SLC25A19: variants seen among roughly 807,000 people sequenced by gnomAD.
SLC25A19 encodes mitochondrial thiamine pyrophosphate carrier.
In SLC25A19, 18 loss-of-function variants were observed where a neutral mutation model predicts 27.9. That is an observed-to-expected ratio of 0.64 (90% CI 0.45 to 0.96). SLC25A19 has a LOEUF of 0.96. SLC25A19 is among the 40% of genes least tolerant of loss of function. The pLI is 0.00. For missense variants in SLC25A19, 371 were observed against 418.3 expected, an observed-to-expected ratio of 0.89 and a Z score of 0.99; for synonymous variants, 169 against 167.1, an observed-to-expected ratio of 1.01 and a Z score of -0.09.
rs1031703346 is a variant in SLC25A19, at chr17:75,283,540, G to A, written c.342C>T (p.Asp114=). The A allele has an allele frequency of 6.8e-6, 11 of 1,613,564 alleles. No homozygotes were observed. The highest frequency in any genetic ancestry group is 1.3e-5 in the African/African-American group (1 of 74,864). The change falls in exon 5 of 8, where the codon GAC becomes GAT. Residue 114 remains aspartate, a synonymous_variant. Transcript: ENST00000416858. The stretch of plus-strand genomic sequence containing the variant: ...CAAAGTGCACTGAGAATTCCCGGGC[G>A]TCATACACGCTGCCTCTGTGGACCA... ...TELVHRGSVY[D]AREFSVHFVC... is the part of the protein sequence containing the mutation.
At chr17:75,277,712 G>A (rs960269530) in intron 6 of SLC25A19, among the ~76,000 whole-genome samples, 3 of 152,076 alleles carry the variant, frequency 2.0e-5, no homozygotes, top group Non-Finnish European at 2.9e-5. Flanking sequence ...GTTGGAGGCC[G>A]CAGTCCCCCA....
chr17:75,280,498 C>G (rs1721925922), intron 5 of SLC25A19, among the ~76,000 whole-genome samples: 1 of 152,028 alleles, frequency 6.6e-6, no homozygotes. Context: ...GTCAAAATCC[C>G]ATCTCTACTA....
At chr17:75,282,182 G>A (rs1421553854) in intron 5 of SLC25A19, among the ~76,000 whole-genome samples, 2 of 152,138 alleles carry the variant, frequency 1.3e-5, no homozygotes, top group African/African-American at 4.8e-5. Flanking sequence ...GATCCCAGGA[G>A]GTCGAGGCTT....
chr17:75,273,303 G>A lies in SLC25A19; in HGVS notation c.*148C>T, dbSNP rs756428370. ...TGGGGAGAGCCCTGGACCTTCTGGTGGTGTCCCAGCTGGGTGGGTTCAAGG... is the reference window on the plus strand; with the variant it reads ...TGGGGAGAGCCCTGGACCTTCTGGTAGTGTCCCAGCTGGGTGGGTTCAAGG... On this transcript the variant is annotated 3_prime_UTR_variant, in exon 8 of 8. Coordinates refer to ENST00000416858, the MANE Select transcript of SLC25A19 (RefSeq NM_001126121.2). 1 of 758,004 alleles carries A rather than the reference G, an allele frequency of 1.3e-6. No homozygotes were observed. The highest frequency in any genetic ancestry group is 2.2e-6 in the Non-Finnish European group (1 of 457,616). 47.0% of individuals were successfully genotyped at this position (758,004 alleles called of 1,614,324 possible). A position where few individuals can be genotyped will look rare whatever the true frequency, so the allele number is the denominator to read the frequency against.
chr17:75,284,633 C>CTT (rs1555604197), intron 4 of SLC25A19, among the ~76,000 whole-genome samples: 31 of 112,210 alleles, frequency 2.8e-4, no homozygotes, highest in South Asian at 1.3e-3. Flanking sequence ...TCAGATCTTT[C>CTT]TTTTTTTTTT....
chr17:75,273,327 G>T lies in SLC25A19; in HGVS notation c.*124C>A. On this transcript the variant is annotated 3_prime_UTR_variant, in exon 8 of 8. Transcript: ENST00000416858. Reference sequence around the variant, plus strand: ...TGGTGTCCCAGCTGGGTGGGTTCAAGGCTGCTACCCCGCTTGGGGCAGCTG... The same window carrying T: ...TGGTGTCCCAGCTGGGTGGGTTCAATGCTGCTACCCCGCTTGGGGCAGCTG... 1 of 1,120,770 alleles carries T rather than the reference G, an allele frequency of 8.9e-7. No homozygotes were observed. Among genetic ancestry groups the T allele is most frequent in the Non-Finnish European group, 1.3e-6 (1 of 774,186 alleles). 69.4% of individuals were successfully genotyped at this position (1,120,770 alleles called of 1,614,324 possible).
chr17:75,283,453 G>A lies in SLC25A19; in HGVS notation c.429C>T (p.Arg143=), dbSNP rs761904219. ...TLTVHPVDVL[R]TRFAAQGEPK... ...GCTCACCCTGAGCTGCAAAGCGGGT[G>A]CGCAGAACATCCACGGGGTGCACAG... The change falls in exon 5 of 8, where the codon CGC becomes CGT. Residue 143 remains arginine (R), a synonymous_variant. Transcript: ENST00000416858. The A allele has an allele frequency of 1.2e-6, 2 of 1,612,502 alleles. No individual in the cohort carries two copies. Among genetic ancestry groups the A allele is most frequent in the Non-Finnish European group, 1.7e-6 (2 of 1,179,780 alleles).
At chr17:75,289,100 C>G (rs1212704499) in intron 1 of SLC25A19, 1 of 152,226 alleles carries the variant, frequency 6.6e-6, no homozygotes, top group African/African-American at 2.4e-5. Context: ...TAGGTGTCCA[C>G]GTGTGCCTCG....
At chr17:75,284,535 G>A (rs2078134978) in intron 4 of SLC25A19, among the ~76,000 whole-genome samples, 2 of 152,228 alleles carry the variant, frequency 1.3e-5, no homozygotes, top group South Asian at 4.1e-4. Flanking sequence ...AGCTGGCGGC[G>A]GCACCTGGTG....
chr17:75,287,055 A>C, intron 2 of SLC25A19: 1 of 378,804 alleles, frequency 2.6e-6, no homozygotes, highest in South Asian at 2.3e-5. Context: ...ACAAAAATTT[A>C]AAAATAAAAT....
At chr17:75,280,982 C>T (rs1369966795) in intron 5 of SLC25A19, among the ~76,000 whole-genome samples, 1 of 149,752 alleles carries the variant, frequency 6.7e-6, no homozygotes, top group Non-Finnish European at 1.5e-5. Flanking sequence ...AGTTCAAGAC[C>T]AGCCTGAGCC....
rs530731657 is a variant in SLC25A19 at position 75,286,166 on chromosome 17, C to T, written c.288+138G>A. On this transcript the variant is annotated intron_variant, in intron 4 of 7. Transcript: ENST00000416858. The stretch of plus-strand genomic sequence containing the variant: ...CGGTACTGCTGGTCAGGAAGGCTCC[C>T]GGGTGAGGCAGGTGGGAAGCGTGGG... The T allele has an allele frequency of 1.9e-4, 201 of 1,056,798 alleles. 1 individual carries two copies. The South Asian group carries it at 2.3e-3, about 12-fold the overall frequency. The allele number at this position is 1,056,798 out of a possible 1,614,324, so 65.5% of individuals were successfully genotyped here.
chr17:75,281,981 C>T (rs943383861), intron 5 of SLC25A19, among the ~76,000 whole-genome samples: 2 of 152,124 alleles, frequency 1.3e-5, no homozygotes, highest in Non-Finnish European at 2.9e-5. Context: ...GACAAGAACT[C>T]AACCTCTGCC....
rs753390841 is a variant in SLC25A19, at chr17:75,276,646, GA to G, written c.774+706del. The stretch of plus-strand genomic sequence containing the variant: ...GCCTCCCAAAATGTTGGGATTACAG[GA>G]GTGAGCCACCACGTCCACGCCCAGC... On this transcript the variant is annotated intron_variant, in intron 7 of 7. Coordinates refer to ENST00000416858, the MANE Select transcript of SLC25A19 (RefSeq NM_001126121.2). 3.0e-4 allele frequency among the ~76,000 whole-genome samples: 45 copies of G among 149,238 alleles called. 5 individuals carry two copies. Among genetic ancestry groups the G allele is most frequent in the South Asian group, 2.1e-3 (10 of 4,684 alleles).
chr17:75,289,126 C>T (rs2078251617), intron 1 of SLC25A19: 1 of 152,240 alleles, frequency 6.6e-6, no homozygotes, highest in Non-Finnish European at 1.5e-5. Context: ...TGTTTTTTCT[C>T]CTTGAGTCCG....
intron 6 of SLC25A19, among the ~76,000 whole-genome samples, chr17:75,277,792 C>T (rs900793230): frequency 1.3e-5 from 2 of 151,716 alleles, no homozygotes; most frequent in African/African-American, 4.8e-5. Flanking sequence ...CCAGGATGCC[C>T]CACCCCTCCC....
intron 2 of SLC25A19, 33 bp downstream of exon 2, chr17:75,288,469 G>C (rs556569812): frequency 1.3e-5 from 2 of 151,366 alleles, no homozygotes; most frequent in African/African-American, 4.9e-5. Context: ...TTCCTTTTTT[G>C]TAAAAACAAA....
intron 5 of SLC25A19, among the ~76,000 whole-genome samples, chr17:75,280,808 G>C (rs1010909476): frequency 6.6e-6 from 1 of 151,648 alleles, no homozygotes; most frequent in African/African-American, 2.4e-5. Context: ...GGGCATGGTA[G>C]CGGACCTGTA....
chr17:75,278,813 T>C (rs1008930266), intron 5 of SLC25A19, among the ~76,000 whole-genome samples: 1 of 151,396 alleles, frequency 6.6e-6, no homozygotes, highest in Non-Finnish European at 1.5e-5. Context: ...CGAAAGCCCA[T>C]CTCTACTAAA....
Sources: gnomAD v4.1 joint callset for allele counts (sites outside exome capture counted in the v4.1 genomes callset) on GRCh38, gnomAD v4.1.1 for gene constraint, MANE v1.5 for transcripts, NCBI Gene and HGNC (gene_info 2026-07-23, HGNC 2026-07-21) for gene names.